SNN: variants seen among roughly 807,000 people sequenced by gnomAD.
SNN encodes the protein stannin, also known as AG8_1.
SNN carries 5 observed loss-of-function variants against 5.3 expected under a neutral mutation model. The ratio of observed to expected loss-of-function variants is 0.94; its 90% CI spans 0.49 to 1.97. SNN has a LOEUF of 1.97. Among genes scored for constraint, SNN ranks in the 30% most tolerant of loss-of-function variants. The pLI is 0.01. For missense variants in SNN, 127 were observed against 121.6 expected (o/e 1.04, Z -0.21); for synonymous variants, 67 against 52.1 (o/e 1.29, Z -1.24).
chr16:11,673,365 G>A (rs1184302126), intron 1 of SNN, among the ~76,000 whole-genome samples: 7 of 152,150 alleles, frequency 4.6e-5, no homozygotes, highest in South Asian at 2.1e-4. Context: ...AGAGGTGGGC[G>A]CTAATCAGGT....
At position 11,668,943 on chromosome 16, in the gene SNN, C is replaced by T. The variant is rs2050246720; in HGVS notation, c.-86+403C>T. ...GCTCCGGGGATAGGGGTCCAGGTGA[C>T]GTCCGGCGCCCGTCTCGCGGGTAGG... On this transcript the variant is annotated intron_variant, in intron 1 of 1. Coordinates refer to ENST00000329565, the MANE Select transcript of SNN (RefSeq NM_003498.6). This position sits in a 1 kb window ranked among gnomAD's most constrained non-coding sequence, Gnocchi z 6.8. Among the ~76,000 whole-genome samples the T allele has an allele frequency of 2.0e-5, 3 of 151,886 alleles. No homozygotes were observed. The highest frequency in any genetic ancestry group is 2.0e-4 in the Admixed American group (3 of 15,272).
At chr16:11,674,915 C>T (rs1198733021) in intron 1 of SNN, among the ~76,000 whole-genome samples, 1 of 152,194 alleles carries the variant, frequency 6.6e-6, no homozygotes, top group Non-Finnish European at 1.5e-5. Flanking sequence ...CTGGCGCCTG[C>T]ATTAGATGCT....
chr16:11,673,020 C>T (rs1328201681), intron 1 of SNN, among the ~76,000 whole-genome samples: 2 of 152,186 alleles, frequency 1.3e-5, no homozygotes, highest in Non-Finnish European at 2.9e-5. Context: ...ACTTGTCTTC[C>T]TGTCCAGAAA....
chr16:11,675,336 C>T lies in SNN; in HGVS notation c.-85-639C>T, dbSNP rs1184133160. Among the ~76,000 whole-genome samples, 10 of 140,568 alleles carry T rather than the reference C, an allele frequency of 7.1e-5. No homozygotes were observed. In the East Asian group the frequency reaches 1.5e-3, roughly 21 times the overall value. 92.2% of individuals were successfully genotyped at this position (140,568 alleles called of 152,430 possible). ...GGGCTAGAGCGCAGTGGTGAGATCT[C>T]GGCTCACTGCAACCTCTGCCCCCCA... On this transcript the variant is annotated intron_variant, in intron 1 of 1. Transcript: ENST00000329565.
Position 11,672,744 on chromosome 16 carries a change from G to T in SNN, c.-85-3231G>T, listed in dbSNP as rs1453792599. Among the ~76,000 whole-genome samples the T allele has an allele frequency of 6.6e-6, 1 of 152,104 alleles. No homozygotes were observed. The highest frequency in any genetic ancestry group is 1.9e-4 in the East Asian group (1 of 5,170). ...TGGCTCTGCCCATGCCTCCTGGCCTGGGTTCAGGGCAGCAGACGGGGTTTT... is the reference window on the plus strand; with the variant it reads ...TGGCTCTGCCCATGCCTCCTGGCCTTGGTTCAGGGCAGCAGACGGGGTTTT... On this transcript the variant is annotated intron_variant, in intron 1 of 1. Coordinates refer to ENST00000329565, the MANE Select transcript of SNN (RefSeq NM_003498.6). This position sits in a 1 kb window ranked among gnomAD's most constrained non-coding sequence, Gnocchi z 6.0.
chr16:11,673,118 T>G (rs935062992), intron 1 of SNN, among the ~76,000 whole-genome samples: 3 of 151,972 alleles, frequency 2.0e-5, no homozygotes, highest in Admixed American at 6.6e-5. Context: ...ACAGGGCAGG[T>G]TGGTGTTCTT....
At chr16:11,670,405 G>C (rs1280805619) in intron 1 of SNN, among the ~76,000 whole-genome samples, 2 of 152,190 alleles carry the variant, frequency 1.3e-5, no homozygotes, top group Admixed American at 1.3e-4. Context: ...GTGTCCCTGG[G>C]GAAGGGGTGT....
At position 11,674,114 on chromosome 16, in the gene SNN, C is replaced by T. The variant is rs8191304; in HGVS notation, c.-85-1861C>T. Among the ~76,000 whole-genome samples the T allele has an allele frequency of 1.2e-4, 18 of 152,336 alleles. 1 individual carries two copies. The East Asian group carries it at 2.9e-3, about 24-fold the overall frequency. On this transcript the variant is annotated intron_variant, in intron 1 of 1. Transcript: ENST00000329565. Reference sequence around the variant, plus strand: ...CCTTAAGGGTGCTGTTCCTCAAGGACGCAGCAGGTTCGACCCTATTTGGAG... The same window carrying T: ...CCTTAAGGGTGCTGTTCCTCAAGGATGCAGCAGGTTCGACCCTATTTGGAG...
Position 11,676,516 on chromosome 16 carries a change from T to A in SNN, c.*190T>A. 1.5e-6 allele frequency: 1 copy of A among 685,602 alleles called. No homozygotes were observed. 42.5% of individuals were successfully genotyped at this position (685,602 alleles called of 1,614,324 possible). On this transcript the variant is annotated 3_prime_UTR_variant, in exon 2 of 2. Coordinates refer to ENST00000329565, the MANE Select transcript of SNN (RefSeq NM_003498.6). ...CCTGGGCTTCCCCTCGGCCTCCAGG[T>A]GAGGCTGCCCATTGCAGGCACTGGG...
intron 1 of SNN, among the ~76,000 whole-genome samples, chr16:11,673,505 C>T (rs1213024053): frequency 4.6e-5 from 7 of 152,184 alleles, no homozygotes; most frequent in Non-Finnish European, 1.0e-4. Flanking sequence ...TCCAGCCGGG[C>T]CATCTGCGTG....
chr16:11,676,283 A>G lies in SNN; in HGVS notation c.224A>G (p.Lys75Arg), dbSNP rs1465913658. 2.5e-6 allele frequency: 4 copies of G among 1,614,146 alleles called. No homozygotes were observed. Among genetic ancestry groups the G allele is most frequent in the Non-Finnish European group, 3.4e-6 (4 of 1,180,002 alleles). The change falls in exon 2 of 2, where the codon AAG (lysine) becomes AGG (arginine). Residue 75 changes from lysine (K) to arginine (R), a missense_variant. Physicochemically the swap from Lys to Arg is conservative, Grantham distance 26. Transcript: ENST00000329565. ...YSAKGPCVER[K>R]AKLMTPNGPE... ...GCCAAGGGACCGTGCGTGGAGAGAAAGGCCAAGCTGATGACTCCCAACGGC... is the reference window on the plus strand; with the variant it reads ...GCCAAGGGACCGTGCGTGGAGAGAAGGGCCAAGCTGATGACTCCCAACGGC...
At chr16:11,669,254 A>G (rs1026672735) in intron 1 of SNN, among the ~76,000 whole-genome samples, 1 of 152,002 alleles carries the variant, frequency 6.6e-6, no homozygotes, top group African/African-American at 2.4e-5. Flanking sequence ...CGCGCCTGCC[A>G]CGCCGCCCGC....
intron 1 of SNN, among the ~76,000 whole-genome samples, chr16:11,674,014 G>T (rs761192284): frequency 6.6e-6 from 1 of 152,250 alleles, no homozygotes; most frequent in Non-Finnish European, 1.5e-5. Context: ...CGCTGGGGGC[G>T]TTGACTTAGC....
chr16:11,679,042 G>T lies in SNN; in HGVS notation c.*2716G>T. 1.2e-6 allele frequency: 1 copy of T among 813,424 alleles called. No individual in the cohort carries two copies. The highest frequency in any genetic ancestry group is 1.8e-5 in the South Asian group (1 of 54,108). The allele number at this position is 813,424 out of a possible 1,614,324, so 50.4% of individuals were successfully genotyped here. A position where few individuals can be genotyped will look rare whatever the true frequency, so the allele number is the denominator to read the frequency against. On this transcript the variant is annotated 3_prime_UTR_variant, in exon 2 of 2. Transcript: ENST00000329565. This position sits in a 1 kb window ranked among gnomAD's most constrained non-coding sequence, Gnocchi z 4.6. ...AGTTTGTGCAATAAGTGGAAGGGATGTCATCCTTCTTCAATAAATGCTGAA... is the reference window on the plus strand; with the variant it reads ...AGTTTGTGCAATAAGTGGAAGGGATTTCATCCTTCTTCAATAAATGCTGAA...
At chr16:11,669,245 G>A (rs1485744137) in intron 1 of SNN, among the ~76,000 whole-genome samples, 2 of 152,138 alleles carry the variant, frequency 1.3e-5, no homozygotes, top group Admixed American at 6.5e-5. Context: ...GCCTGGCACC[G>A]CGCCTGCCAC....
chr16:11,676,028 G>T lies in SNN; in HGVS notation c.-32G>T. The T allele has an allele frequency of 1.3e-6, 2 of 1,546,848 alleles. No homozygotes were observed. The highest frequency in any genetic ancestry group is 1.7e-6 in the Non-Finnish European group (2 of 1,143,276). On this transcript the variant is annotated 5_prime_UTR_variant, in exon 2 of 2. Transcript: ENST00000329565. ...CTCACTGAGTGGCCACCCCCAAAGT[G>T]CTGCCAGCCGAGGAAGCCCCCAGCA...
rs1316973751 is a variant in SNN at position 11,676,376 on chromosome 16, G to A, written c.*50G>A. The A allele has an allele frequency of 6.3e-7, 1 of 1,579,564 alleles. No individual in the cohort carries two copies. Among genetic ancestry groups the A allele is most frequent in the East Asian group, 2.3e-5 (1 of 43,750 alleles). ...TGTTTGCAGCCGGCCAAGAGGCGCT[G>A]GGAGGGGCAAAACCATACGGATGCG... On this transcript the variant is annotated 3_prime_UTR_variant, in exon 2 of 2. Coordinates refer to ENST00000329565, the MANE Select transcript of SNN (RefSeq NM_003498.6).
chr16:11,673,363 G>T (rs946486416), intron 1 of SNN, among the ~76,000 whole-genome samples: 1 of 152,142 alleles, frequency 6.6e-6, no homozygotes, highest in Non-Finnish European at 1.5e-5. Context: ...GGAGAGGTGG[G>T]CGCTAATCAG....
rs2050244389 is a variant in SNN, at chr16:11,668,629, G to T, written c.-86+89G>T. The T allele has an allele frequency of 6.9e-6, 1 of 145,454 alleles. No homozygotes were observed. Among genetic ancestry groups the T allele is most frequent in the Non-Finnish European group, 1.5e-5 (1 of 65,100 alleles). 9.0% of individuals were successfully genotyped at this position (145,454 alleles called of 1,614,324 possible). ...AAGGGGGAGGCCAGGACGAGGAGGG[G>T]CGCGCGCGGCGGCGGGGCCGGGCCG... is the stretch of plus-strand genomic sequence containing the variant. On this transcript the variant is annotated intron_variant, in intron 1 of 1. Coordinates refer to ENST00000329565, the MANE Select transcript of SNN (RefSeq NM_003498.6). The surrounding 1 kb of genome is among the most constrained non-coding windows in gnomAD (Gnocchi z 6.8).
Sources: allele counts gnomAD v4.1 joint callset (sites outside exome capture counted in the v4.1 genomes callset), GRCh38; gene constraint gnomAD v4.1.1; non-coding constraint Gnocchi (gnomAD v3.1); transcripts MANE v1.5; gene names NCBI Gene and HGNC (gene_info 2026-07-23, HGNC 2026-07-21).